The following KPNA4 variants were observed in gnomAD, a reference collection of about 807,000 sequenced individuals.
KPNA4 encodes karyopherin subunit alpha 4.
A neutral mutation model predicts 71.3 loss-of-function variants in KPNA4; 13 were observed. The observed-to-expected ratio is 0.18, with a 90% CI of 0.12 to 0.29. KPNA4 has a LOEUF of 0.29. Ranked by LOEUF, KPNA4 falls within the 10% of genes least tolerant of loss-of-function variation. The pLI, the probability that KPNA4 is intolerant of heterozygous loss-of-function variation, is 1.00. For synonymous variants in KPNA4, 189 were observed against 195.2 expected, an observed-to-expected ratio of 0.97 and a Z score of 0.26; for missense variants, 334 against 603.2, an observed-to-expected ratio of 0.55 and a Z score of 4.67.
rs185775300 is a variant in KPNA4 at position 160,497,305 on chromosome 3, C to T, written c.*4799G>A. 1 of 152,308 alleles carries T rather than the reference C, an allele frequency of 6.6e-6. No individual in the cohort carries two copies. The highest frequency in any genetic ancestry group is 1.9e-4 in the East Asian group (1 of 5,180). The allele number at this position is 152,308 out of a possible 1,614,324, so 9.4% of individuals were successfully genotyped here. A position where few individuals can be genotyped will look rare whatever the true frequency, so the allele number is the denominator to read the frequency against. ...TAGCGTACTCCTGTAATCCCAGCTA[C>T]TCAGGAGGCTGAGGCAGAATTGCTT... On this transcript the variant is annotated 3_prime_UTR_variant, in exon 17 of 17. Coordinates refer to ENST00000334256, the MANE Select transcript of KPNA4 (RefSeq NM_002268.5).
intron 12 of KPNA4, chr3:160,515,239 A>G (rs774784609): frequency 8.1e-6 from 5 of 620,142 alleles, no homozygotes; most frequent in African/African-American, 3.6e-5. Flanking sequence ...CATTTCCAAG[A>G]GAGCCAAAAT....
At chr3:160,562,744 T>C in intron 1 of KPNA4, among the ~76,000 whole-genome samples, 1 of 152,206 alleles carries the variant, frequency 6.6e-6, no homozygotes, top group Non-Finnish European at 1.5e-5. Flanking sequence ...TGCACAAGGA[T>C]ATCAAAGTCA....
rs529138910 is a variant in KPNA4 at position 160,543,291 on chromosome 3, T to C, written c.70-6451A>G. Among the ~76,000 whole-genome samples, 4 of 152,206 alleles carry C rather than the reference T, an allele frequency of 2.6e-5. No homozygotes were observed. The East Asian group carries it at 7.7e-4, about 29-fold the overall frequency. On this transcript the variant is annotated intron_variant, in intron 1 of 16. Coordinates refer to ENST00000334256, the MANE Select transcript of KPNA4 (RefSeq NM_002268.5). ...CCTTTACGGGTATTAATTCCTTCAC[T>C]TGTAAAGAGAATTCAATGGATCTCT...
intron 8 of KPNA4, among the ~76,000 whole-genome samples, chr3:160,526,925 T>G (rs766434235): frequency 7.2e-5 from 11 of 152,006 alleles, no homozygotes; most frequent in Non-Finnish European, 1.3e-4. Flanking sequence ...AGCAAAAGAG[T>G]GAGGGAGTCT....
intron 4 of KPNA4, 27 bp from the exon 5 acceptor site, chr3:160,535,592 G>A (rs776576202): frequency 6.3e-7 from 1 of 1,584,844 alleles, no homozygotes; most frequent in Non-Finnish European, 8.6e-7. Flanking sequence ...AATTTATGAT[G>A]TAAATATATC....
At chr3:160,509,165 C>T (rs1721043709) in intron 14 of KPNA4, among the ~76,000 whole-genome samples, 1 of 152,120 alleles carries the variant, frequency 6.6e-6, no homozygotes, top group South Asian at 2.1e-4. Flanking sequence ...GCTTTGTCAC[C>T]CGCACGACCT....
intron 1 of KPNA4, among the ~76,000 whole-genome samples, chr3:160,551,709 T>C (rs180725886): frequency 3.7e-4 from 57 of 152,288 alleles, no homozygotes; most frequent in Admixed American, 2.8e-3. Context: ...CACTCAAATA[T>C]CTGTTAAACC....
intron 8 of KPNA4, among the ~76,000 whole-genome samples, chr3:160,527,729 T>A (rs371784073): frequency 1.3e-5 from 2 of 152,152 alleles, no homozygotes; most frequent in South Asian, 2.1e-4. Context: ...ATTCAAATAA[T>A]TAAGAGCTAA....
Position 160,565,417 on chromosome 3 carries a change from C to T in KPNA4, c.-135G>A. Reference sequence around the variant, plus strand: ...GCCGCGCCGCCGCTTCCTTCCTCCTCTCACCTGCCTCCGCCGCGGCCTTCT... The same window carrying T: ...GCCGCGCCGCCGCTTCCTTCCTCCTTTCACCTGCCTCCGCCGCGGCCTTCT... On this transcript the variant is annotated 5_prime_UTR_variant, in exon 1 of 17. Coordinates refer to ENST00000334256, the MANE Select transcript of KPNA4 (RefSeq NM_002268.5). 1.5e-6 allele frequency: 1 copy of T among 680,330 alleles called. No individual in the cohort carries two copies. 42.1% of individuals were successfully genotyped at this position (680,330 alleles called of 1,614,324 possible).
intron 1 of KPNA4, among the ~76,000 whole-genome samples, chr3:160,557,274 C>A (rs1429975362): frequency 6.6e-6 from 1 of 152,066 alleles, no homozygotes; most frequent in Non-Finnish European, 1.5e-5. Flanking sequence ...CAAGCAGAGA[C>A]CACTTAACAT....
At chr3:160,522,500 C>G (rs1721370755) in intron 10 of KPNA4, among the ~76,000 whole-genome samples, 1 of 152,182 alleles carries the variant, frequency 6.6e-6, no homozygotes, top group East Asian at 1.9e-4. Flanking sequence ...CTCTGTCGCC[C>G]AGGCTGGAGT....
At chr3:160,559,665 C>A (rs1722205441) in intron 1 of KPNA4, among the ~76,000 whole-genome samples, 1 of 152,062 alleles carries the variant, frequency 6.6e-6, no homozygotes, top group African/African-American at 2.4e-5. Context: ...ATCACTTAAT[C>A]TCCATAATTA....
At chr3:160,531,787 C>T (rs1170429193) in intron 5 of KPNA4, among the ~76,000 whole-genome samples, 2 of 151,928 alleles carry the variant, frequency 1.3e-5, no homozygotes, top group African/African-American at 4.8e-5. Flanking sequence ...TAGATATGAA[C>T]CACTTTACTA....
At chr3:160,547,025 T>C (rs1180673482) in intron 1 of KPNA4, among the ~76,000 whole-genome samples, 1 of 152,198 alleles carries the variant, frequency 6.6e-6, no homozygotes, top group Non-Finnish European at 1.5e-5. Context: ...CTGTGTAAAC[T>C]GACCATAATG....
intron 13 of KPNA4, among the ~76,000 whole-genome samples, chr3:160,511,730 A>AT (rs1721099140): frequency 6.9e-6 from 1 of 145,416 alleles, no homozygotes; most frequent in African/African-American, 2.5e-5. Flanking sequence ...ATATATATAT[A>AT]AATATATTTG....
At chr3:160,554,371 T>C (rs1262147951) in intron 1 of KPNA4, among the ~76,000 whole-genome samples, 1 of 152,218 alleles carries the variant, frequency 6.6e-6, no homozygotes, top group African/African-American at 2.4e-5. Context: ...ATTCCCCCTT[T>C]TCCCTCTGTC....
intron 13 of KPNA4, among the ~76,000 whole-genome samples, chr3:160,510,286 T>C (rs768705336): frequency 3.9e-5 from 6 of 152,180 alleles, no homozygotes; most frequent in Non-Finnish European, 7.4e-5. Context: ...ATGTTATACA[T>C]TGCCTTTTCA....
At chr3:160,547,999 G>A (rs1439341252) in intron 1 of KPNA4, among the ~76,000 whole-genome samples, 2 of 152,140 alleles carry the variant, frequency 1.3e-5, no homozygotes, top group Non-Finnish European at 2.9e-5. Flanking sequence ...TGGCAATTAT[G>A]AATAAAGCTG....
chr3:160,509,783 T>C lies in KPNA4; in HGVS notation c.1209+17A>G, dbSNP rs1269244527. The C allele has an allele frequency of 2.0e-6, 3 of 1,515,554 alleles. No individual in the cohort carries two copies. Among genetic ancestry groups the C allele is most frequent in the South Asian group, 2.3e-5 (2 of 88,718 alleles). The allele number at this position is 1,515,554 out of a possible 1,614,324, so 93.9% of individuals were successfully genotyped here. On this transcript the variant is annotated intron_variant, in intron 14 of 16. Transcript: ENST00000334256. ...TTTACCAGTTTTGAGAAATAAATTT[T>C]AAAAAGCTCAACTTACTTGATCTTT...
Sources: gnomAD v4.1 joint callset for allele counts (sites outside exome capture counted in the v4.1 genomes callset) on GRCh38, gnomAD v4.1.1 for gene constraint, MANE v1.5 for transcripts, NCBI Gene and HGNC (gene_info 2026-07-23, HGNC 2026-07-21) for gene names.